The following TRAPPC8 variants were observed in gnomAD, a reference collection of about 807,000 sequenced individuals.
The protein encoded by TRAPPC8 is general sporulation gene 1 homolog.
In TRAPPC8, 54 loss-of-function variants were observed where a neutral mutation model predicts 174.3. The ratio of observed to expected loss-of-function variants is 0.31; its 90% CI spans 0.25 to 0.39. TRAPPC8 has a LOEUF of 0.39. Among genes scored for constraint, TRAPPC8 ranks in the 10% least tolerant of loss-of-function variants. The pLI, the probability that TRAPPC8 is intolerant of heterozygous loss-of-function variation, is 1.00. For missense variants in TRAPPC8, 1,531 were observed against 1,699.1 expected, an observed-to-expected ratio of 0.90 and a Z score of 1.74; for synonymous variants, 630 against 579.9, an observed-to-expected ratio of 1.09 and a Z score of -1.24.
chr18:31,836,045 T>C (rs2032695757), intron 27 of TRAPPC8, among the ~76,000 whole-genome samples: 1 of 152,204 alleles, frequency 6.6e-6, no homozygotes, highest in South Asian at 2.1e-4. Context: ...TGGAAATAAA[T>C]GCTTTGTTAT....
rs2037842464 is a variant in TRAPPC8, at chr18:31,931,470, C to T, written c.211G>A (p.Ala71Thr). 1.2e-6 allele frequency: 2 copies of T among 1,608,406 alleles called. No homozygotes were observed. The highest frequency in any genetic ancestry group is 8.5e-7 in the Non-Finnish European group (1 of 1,178,028). Reference sequence around the variant, plus strand: ...GGCTGGGTGACAATGTTGCTTACTGCTATCTTCAAATTTTTAATTACGTGA... The same window carrying T: ...GGCTGGGTGACAATGTTGCTTACTGTTATCTTCAAATTTTTAATTACGTGA... ...QLHVIKNLKI[A>T]VSNIVTQPPQ... Residue 71 changes from alanine (A) to threonine (T), a missense_variant, in exon 2 of 29, where the codon GCA (alanine) becomes ACA (threonine). Physicochemically the swap from Ala to Thr is moderately conservative, Grantham distance 58. Transcript: ENST00000283351.
chr18:31,843,951 G>A (rs893520099), intron 26 of TRAPPC8, among the ~76,000 whole-genome samples: 7 of 152,306 alleles, frequency 4.6e-5, no homozygotes, highest in African/African-American at 1.7e-4. Context: ...TACAGAGTAT[G>A]AGGACCAAAG....
intron 27 of TRAPPC8, among the ~76,000 whole-genome samples, chr18:31,834,060 T>G (rs2032555763): frequency 6.7e-6 from 1 of 150,302 alleles, no homozygotes; most frequent in Non-Finnish European, 1.5e-5. Flanking sequence ...ATACTAATAC[T>G]AATGCTCCTG....
chr18:31,936,585 T>C (rs1452776196), intron 1 of TRAPPC8, among the ~76,000 whole-genome samples: 1 of 152,122 alleles, frequency 6.6e-6, no homozygotes, highest in Non-Finnish European at 1.5e-5. Flanking sequence ...GTAGTTAAGA[T>C]TGATGAAATA....
chr18:31,920,847 A>G (rs2037353785), intron 2 of TRAPPC8, among the ~76,000 whole-genome samples: 1 of 151,054 alleles, frequency 6.6e-6, no homozygotes, highest in Admixed American at 6.6e-5. Context: ...AGACTGAGGC[A>G]GGACAATCGC....
At chr18:31,875,488 G>T (rs1250086821) in intron 12 of TRAPPC8, among the ~76,000 whole-genome samples, 7 of 152,068 alleles carry the variant, frequency 4.6e-5, no homozygotes, top group Admixed American at 4.6e-4. Flanking sequence ...GCCTCACACG[G>T]TTCAAATAAA....
chr18:31,867,668 C>A (rs1454197846), intron 16 of TRAPPC8, among the ~76,000 whole-genome samples, 192 bp from the exon 17 acceptor site: 2 of 152,076 alleles, frequency 1.3e-5, no homozygotes, highest in African/African-American at 4.8e-5. Flanking sequence ...GTAGTAGGCA[C>A]TCAATATATA....
rs763431290 is a variant in TRAPPC8, at chr18:31,942,757, T to C, written c.8A>G (p.Gln3Arg). 6.6e-7 allele frequency: 1 copy of C among 1,507,126 alleles called. No homozygotes were observed. The highest frequency in any genetic ancestry group is 1.3e-5 in the South Asian group (1 of 79,888). The allele number at this position is 1,507,126 out of a possible 1,614,324, so 93.4% of individuals were successfully genotyped here. ...TAGCTCCTGCACTGATTGTACACAC[T>C]GGGCCATCGCCGCAGCACAGGCAGC... is the stretch of plus-strand genomic sequence containing the variant. MA[Q>R]CVQSVQELIP... The change falls in exon 1 of 29, where the codon CAG (glutamine) becomes CGG (arginine). Residue 3 changes from glutamine (Q) to arginine (R), a missense_variant. Physicochemically the swap from Gln to Arg is conservative, Grantham distance 43. Coordinates refer to ENST00000283351, the MANE Select transcript of TRAPPC8 (RefSeq NM_014939.5).
intron 2 of TRAPPC8, among the ~76,000 whole-genome samples, chr18:31,928,495 C>T (rs1258028798): frequency 6.6e-6 from 1 of 151,634 alleles, no homozygotes; most frequent in Non-Finnish European, 1.5e-5. Context: ...GCACACCAGC[C>T]TTAGGGTGAT....
In TRAPPC8 at chr18:31,898,785, A is replaced by G. The variant is rs1184533313; in HGVS notation, c.1491-894T>C. 4.6e-4 allele frequency among the ~76,000 whole-genome samples: 70 copies of G among 152,236 alleles called. 1 individual carries two copies. On this transcript the variant is annotated intron_variant, in intron 10 of 28. Transcript: ENST00000283351. ...TTATCCATTTTAGAAAAGAATAAAAACAAATGAAAACATTCTTACTATGAA... is the reference window on the plus strand; with the variant it reads ...TTATCCATTTTAGAAAAGAATAAAAGCAAATGAAAACATTCTTACTATGAA...
intron 5 of TRAPPC8, among the ~76,000 whole-genome samples, chr18:31,910,663 C>T (rs1451640581): frequency 6.6e-6 from 1 of 152,198 alleles, no homozygotes; most frequent in Non-Finnish European, 1.5e-5. Context: ...ACAGTGAGTA[C>T]TGTCAACAGA....
chr18:31,867,145 A>AT (rs2034626644), intron 17 of TRAPPC8, among the ~76,000 whole-genome samples, 170 bp from the exon 18 acceptor site: 1 of 152,206 alleles, frequency 6.6e-6, no homozygotes, highest in African/African-American at 2.4e-5. Flanking sequence ...TTTAACAATT[A>AT]TAGGCCTAAA....
intron 1 of TRAPPC8, among the ~76,000 whole-genome samples, chr18:31,939,972 T>C (rs1404418100): frequency 6.6e-6 from 1 of 152,204 alleles, no homozygotes; most frequent in Non-Finnish European, 1.5e-5. Flanking sequence ...ATCACAGCAC[T>C]GTCCAATACA....
chr18:31,836,758 CTTTTTTTTTT>C (rs68104803), intron 27 of TRAPPC8, among the ~76,000 whole-genome samples: 2 of 89,872 alleles, frequency 2.2e-5, no homozygotes, highest in East Asian at 3.1e-4. Flanking sequence ...ATCTTTCAGT[CTTTTTTTTTT>C]TTTTTTTTTT....
rs914900313 is a variant in TRAPPC8 at position 31,931,509 on chromosome 18, G to T, written c.172C>A (p.Pro58Thr). ...TTAATTACGTGAAGTTGATTATTAG[G>T]ATCTCTCATGTGAACTTTAAAGAAA... Reference protein sequence around the residue: ...RLTSEVHMRDPNNQLHVIKNL... With the variant: ...RLTSEVHMRDTNNQLHVIKNL... Residue 58 changes from proline to threonine, a missense_variant, in exon 2 of 29, where the codon CCT (proline) becomes ACT (threonine). Transcript: ENST00000283351. 1 of 1,584,366 alleles carries T rather than the reference G, an allele frequency of 6.3e-7. No individual in the cohort carries two copies.
At chr18:31,937,229 G>A (rs1488178519) in intron 1 of TRAPPC8, among the ~76,000 whole-genome samples, 1 of 151,924 alleles carries the variant, frequency 6.6e-6, no homozygotes, top group African/African-American at 2.4e-5. Context: ...TAAAAATAAA[G>A]GAAAAGGAAA....
intron 22 of TRAPPC8, among the ~76,000 whole-genome samples, chr18:31,853,244 T>C (rs1032138137): frequency 3.9e-5 from 6 of 152,090 alleles, no homozygotes; most frequent in Non-Finnish European, 7.4e-5. Flanking sequence ...TTCTAGTCTA[T>C]ATATTTTTGT....
chr18:31,902,877 A>G (rs1409831549), intron 9 of TRAPPC8, among the ~76,000 whole-genome samples: 2 of 151,950 alleles, frequency 1.3e-5, no homozygotes. Context: ...GTGAAACCCC[A>G]TCTCTACTAA....
intron 1 of TRAPPC8, among the ~76,000 whole-genome samples, chr18:31,942,244 G>A (rs1056649237): frequency 3.3e-5 from 5 of 152,182 alleles, no homozygotes; most frequent in Non-Finnish European, 7.3e-5. Context: ...CGGTCTAAGA[G>A]GCAGCATTTT....
Sources: allele counts gnomAD v4.1 joint callset (sites outside exome capture counted in the v4.1 genomes callset), GRCh38; gene constraint gnomAD v4.1.1; transcripts MANE v1.5; gene names NCBI Gene and HGNC (gene_info 2026-07-23, HGNC 2026-07-21).